Variants in CSMD3 observed in about 807,000 individuals in gnomAD.
CSMD3 encodes the protein CUB and Sushi multiple domains 3.
A neutral mutation model predicts 435.2 loss-of-function variants in CSMD3; 177 were observed. The ratio of observed to expected loss-of-function variants is 0.41; its 90% CI spans 0.36 to 0.46. The LOEUF (loss-of-function observed/expected upper bound fraction) is 0.46, where lower values mean the gene tolerates loss of function less well. Ranked by LOEUF, CSMD3 falls within the 20% of genes least tolerant of loss-of-function variation. The probability of loss-of-function intolerance (pLI) is 0.34; values close to 1 mark genes in which losing one functional copy is unlikely to be tolerated. For synonymous variants in CSMD3, 1,656 were observed against 1,520.5 expected, an observed-to-expected ratio of 1.09 and a Z score of -2.07; for missense variants, 4,265 against 4,504.6, an observed-to-expected ratio of 0.95 and a Z score of 1.52.
intron 1 of CSMD3, among the ~76,000 whole-genome samples, chr8:113,371,794 A>T (rs1180791559): frequency 6.6e-6 from 1 of 152,186 alleles, no homozygotes; most frequent in Non-Finnish European, 1.5e-5. Flanking sequence ...CTACAAACGC[A>T]CTAAACAACT....
intron 11 of CSMD3, among the ~76,000 whole-genome samples, chr8:112,854,683 A>T (rs2080594938): frequency 6.6e-6 from 1 of 152,230 alleles, no homozygotes; most frequent in East Asian, 1.9e-4. Flanking sequence ...GAATGGGATC[A>T]TGAAATTTAA....
In CSMD3 at chr8:112,837,396, G is replaced by A. The variant is rs182582385; in HGVS notation, c.1756-7607C>T. Among the ~76,000 whole-genome samples the A allele has an allele frequency of 2.3e-3, 355 of 151,756 alleles. 1 individual carries two copies. The highest frequency in any genetic ancestry group is 4.1e-3 in the Non-Finnish European group (278 of 67,748). ...CCAATACCAAGCTATACTCATTAGT[G>A]AGACAGGATAATATAGATAAGTCCA... On this transcript the variant is annotated intron_variant, in intron 11 of 70. Transcript: ENST00000297405.
rs183438974 is a variant in CSMD3, at chr8:112,870,310, C to G, written c.1634-11044G>C. On this transcript the variant is annotated intron_variant, in intron 10 of 70. Transcript: ENST00000297405. ...TTGAGACGGGGTCTCTCTTTGTTGC[C>G]CAGGCTGGAGTGCAGTGGCTCGATC... Among the ~76,000 whole-genome samples the G allele has an allele frequency of 4.9e-3, 743 of 151,462 alleles. 1 individual carries two copies. The highest frequency in any genetic ancestry group is 8.0e-3 in the Admixed American group (122 of 15,190).
chr8:112,527,323 G>T (rs1825078246), intron 27 of CSMD3, among the ~76,000 whole-genome samples: 1 of 151,528 alleles, frequency 6.6e-6, no homozygotes, highest in African/African-American at 2.4e-5. Flanking sequence ...AAAATTACCA[G>T]AGAAAAAGAG....
chr8:112,249,259 T>C (rs1398957778), intron 63 of CSMD3, among the ~76,000 whole-genome samples: 1 of 152,082 alleles, frequency 6.6e-6, no homozygotes, highest in African/African-American at 2.4e-5. Flanking sequence ...GTCTTCCTTT[T>C]TTCTCCAGTT....
chr8:112,338,524 T>C (rs527478552), intron 42 of CSMD3, among the ~76,000 whole-genome samples: 1 of 152,272 alleles, frequency 6.6e-6, no homozygotes, highest in South Asian at 2.1e-4. Flanking sequence ...TTCAAAATTG[T>C]ATTCTAATTA....
At chr8:113,255,862 G>A (rs67971865) in intron 3 of CSMD3, among the ~76,000 whole-genome samples, 17,337 of 151,640 alleles carry the variant, frequency 0.11, 1,062 homozygotes, top group Middle Eastern at 0.17. Flanking sequence ...ACAGTGAACC[G>A]TTTTACATCC....
chr8:112,256,501 T>C (rs1895015), intron 61 of CSMD3, among the ~76,000 whole-genome samples: 100,987 of 152,002 alleles, frequency 0.66, 35,362 homozygotes, highest in African/African-American at 0.89. Flanking sequence ...TGCCAAAGCC[T>C]TCTGCTGGGG....
At position 112,288,130 on chromosome 8, in the gene CSMD3, T is replaced by G. The variant is rs77781961; in HGVS notation, c.9149-884A>C. On this transcript the variant is annotated intron_variant, in intron 57 of 70. Coordinates refer to ENST00000297405, the MANE Select transcript of CSMD3 (RefSeq NM_198123.2). ...GCCTTGTGTATTTGGAATACTTCATTATATGTCCTTATTTTCATGTGATGT... is the reference window on the plus strand; with the variant it reads ...GCCTTGTGTATTTGGAATACTTCATGATATGTCCTTATTTTCATGTGATGT... Among the ~76,000 whole-genome samples the G allele has an allele frequency of 4.5e-3, 679 of 152,140 alleles. 6 individuals carry two copies. The highest frequency in any genetic ancestry group is 0.016 in the African/African-American group (652 of 41,526).
chr8:112,766,326 G>T (rs912603320), intron 13 of CSMD3, among the ~76,000 whole-genome samples: 2 of 151,352 alleles, frequency 1.3e-5, no homozygotes, highest in Non-Finnish European at 3.0e-5. Context: ...TCAGAAGTTG[G>T]AATGTCAGAT....
chr8:113,059,615 CT>C (rs1320736879), intron 5 of CSMD3, among the ~76,000 whole-genome samples: 3 of 152,054 alleles, frequency 2.0e-5, no homozygotes, highest in Non-Finnish European at 4.4e-5. Context: ...TGAAAAGTGG[CT>C]TAAATGTTGA....
At chr8:113,346,208 G>C (rs565621451) in intron 1 of CSMD3, among the ~76,000 whole-genome samples, 1 of 151,780 alleles carries the variant, frequency 6.6e-6, no homozygotes, top group African/African-American at 2.4e-5. Context: ...TCAATAACTG[G>C]GATTTTTCTT....
chr8:113,047,423 G>A (rs561532044), intron 5 of CSMD3, among the ~76,000 whole-genome samples: 1 of 152,282 alleles, frequency 6.6e-6, no homozygotes, highest in Non-Finnish European at 1.5e-5. Flanking sequence ...CAAAACAAAA[G>A]TGCTATTTGG....
intron 22 of CSMD3, among the ~76,000 whole-genome samples, chr8:112,587,894 A>G (rs1402031007): frequency 1.3e-5 from 2 of 151,900 alleles, no homozygotes; most frequent in Non-Finnish European, 2.9e-5. Context: ...ATAAAATGGT[A>G]CTGCTAAACC....
intron 31 of CSMD3, among the ~76,000 whole-genome samples, chr8:112,476,952 T>C (rs151022830): frequency 2.0e-5 from 3 of 152,328 alleles, no homozygotes; most frequent in Admixed American, 2.0e-4. Flanking sequence ...TTCTAAAACA[T>C]AAGACTTATC....
intron 4 of CSMD3, among the ~76,000 whole-genome samples, chr8:113,158,541 G>A (rs1182607937): frequency 4.6e-5 from 7 of 151,874 alleles, no homozygotes; most frequent in Admixed American, 4.6e-4. Context: ...TTCTTTCTTG[G>A]AACAAATTGA....
chr8:113,234,192 C>T (rs977551766), intron 3 of CSMD3, among the ~76,000 whole-genome samples: 2 of 152,074 alleles, frequency 1.3e-5, no homozygotes, highest in Non-Finnish European at 2.9e-5. Flanking sequence ...ATTATCCACC[C>T]CTCATTTTCA....
intron 4 of CSMD3, among the ~76,000 whole-genome samples, chr8:113,153,130 A>AGAGAAGGAAG (rs2091858997): frequency 1.2e-5 from 1 of 82,736 alleles, no homozygotes; most frequent in Non-Finnish European, 2.2e-5. Flanking sequence ...AGAAAGAGAA[A>AGAGAAGGAAG]GAAGGAAGGA....
chr8:113,099,464 C>T (rs2090267523), intron 4 of CSMD3, among the ~76,000 whole-genome samples: 1 of 151,932 alleles, frequency 6.6e-6, no homozygotes, highest in Non-Finnish European at 1.5e-5. Context: ...TATTGAAAAA[C>T]GTTTGTAGAA....
Sources: gnomAD v4.1 joint callset for allele counts (sites outside exome capture counted in the v4.1 genomes callset) on GRCh38, gnomAD v4.1.1 for gene constraint, MANE v1.5 for transcripts, NCBI Gene and HGNC (gene_info 2026-07-23, HGNC 2026-07-21) for gene names.